PKHD1L1: variants seen among roughly 807,000 people sequenced by gnomAD.
PKHD1L1 encodes PKHD1 like 1, also known as fibrocystin-L.
Under a neutral mutation model 462.9 loss-of-function variants are expected in PKHD1L1, and 434 were observed. The observed-to-expected ratio is 0.94, with a 90% confidence interval of 0.87 to 1.02. The LOEUF (loss-of-function observed/expected upper bound fraction) is 1.02, where lower values mean the gene tolerates loss of function less well. Ranked by LOEUF, PKHD1L1 falls within the 50% of genes least tolerant of loss-of-function variation. PKHD1L1 has a pLI of 0.00. For missense variants in PKHD1L1, 5,202 were observed against 5,096.1 expected (o/e 1.02, Z -0.63); for synonymous variants, 1,781 against 1,750.0 (o/e 1.02, Z -0.44).
At chr8:109,449,130 T>C (rs950461178) in intron 39 of PKHD1L1, among the ~76,000 whole-genome samples, 6 of 152,148 alleles carry the variant, frequency 3.9e-5, no homozygotes, top group African/African-American at 1.4e-4. Flanking sequence ...TTACCAGATA[T>C]GACATTTACT....
Position 109,510,870 on chromosome 8 carries a change from T to A in PKHD1L1, c.11489T>A (p.Val3830Asp), listed in dbSNP as rs1347080314. 6.8e-6 allele frequency: 11 copies of A among 1,613,284 alleles called. No individual in the cohort carries two copies. Among genetic ancestry groups the A allele is most frequent in the Non-Finnish European group, 9.3e-6 (11 of 1,179,494 alleles). Residue 3830 changes from valine (V) to aspartate (D), a missense_variant, in exon 71 of 78, where the codon GTT becomes GAT. Val to Asp is a radical substitution (Grantham distance 152, BLOSUM62 -3). This residue lies in a region of PKHD1L1 where 698 missense variants were observed against 736.3 expected (regional missense o/e 0.95). Coordinates refer to ENST00000378402, the MANE Select transcript of PKHD1L1 (RefSeq NM_177531.6). ...SIVALNKSYEVYFTGTSPQNL... is the reference protein window; with the variant it reads ...SIVALNKSYEDYFTGTSPQNL... ...GTGGCTCTGAACAAATCTTATGAAG[T>A]TTACTTCACTGGCACCAGTCCTCAG...
At chr8:109,515,665 T>C (rs766788089) in intron 72 of PKHD1L1, among the ~76,000 whole-genome samples, 4 of 152,182 alleles carry the variant, frequency 2.6e-5, no homozygotes, top group East Asian at 3.9e-4. Flanking sequence ...TTCTATTTCA[T>C]AGAAGTTAGA....
chr8:109,399,418 G>GA (rs922194547), intron 12 of PKHD1L1, among the ~76,000 whole-genome samples: 133 of 146,288 alleles, frequency 9.1e-4, no homozygotes, highest in Non-Finnish European at 1.5e-3. Flanking sequence ...GCAGTTGAAG[G>GA]AAAAAAAAAA....
At chr8:109,474,055 G>T (rs1282713133) in intron 50 of PKHD1L1, among the ~76,000 whole-genome samples, 2 of 152,246 alleles carry the variant, frequency 1.3e-5, no homozygotes, top group East Asian at 1.9e-4. Flanking sequence ...ACTAGTCACA[G>T]TTCTTTTCAT....
intron 59 of PKHD1L1, among the ~76,000 whole-genome samples, chr8:109,489,414 G>C (rs117535702): frequency 0.052 from 7,833 of 151,928 alleles, 299 homozygotes; most frequent in Non-Finnish European, 0.077. Flanking sequence ...GCTGTTATTA[G>C]TAGTCTGTAA....
chr8:109,416,053 C>T (rs1266047780), intron 21 of PKHD1L1, among the ~76,000 whole-genome samples: 1 of 151,868 alleles, frequency 6.6e-6, no homozygotes, highest in Non-Finnish European at 1.5e-5. Context: ...AACTGTAGAC[C>T]AAGTTTAAAT....
At chr8:109,421,708 C>T (rs1305979758) in intron 23 of PKHD1L1, among the ~76,000 whole-genome samples, 6 of 152,126 alleles carry the variant, frequency 3.9e-5, no homozygotes, top group African/African-American at 1.4e-4. Flanking sequence ...GGCGTGAACC[C>T]GGGAGGCGGA....
In PKHD1L1 at chr8:109,501,555, T is replaced by C. The variant is rs115874609; in HGVS notation, c.10829-2772T>C. On this transcript the variant is annotated intron_variant, in intron 67 of 77. Coordinates refer to ENST00000378402, the MANE Select transcript of PKHD1L1 (RefSeq NM_177531.6). The stretch of plus-strand genomic sequence containing the variant: ...AGTAATTGTTTGATTTCCTGAGGAA[T>C]GGTAGTATACTAAAGACTACATTTT... Among the ~76,000 whole-genome samples the C allele has an allele frequency of 6.2e-3, 947 of 152,326 alleles. 11 individuals carry two copies. The highest frequency in any genetic ancestry group is 0.022 in the African/African-American group (904 of 41,578).
At chr8:109,475,074 A>G in intron 50 of PKHD1L1, 44 bp from the exon 51 acceptor site, 2 of 1,519,152 alleles carry the variant, frequency 1.3e-6, no homozygotes, top group Non-Finnish European at 1.8e-6. Flanking sequence ...AGTTTATTAG[A>G]GGTAGAGATT....
In PKHD1L1 at chr8:109,400,200, T is replaced by C; in HGVS notation, c.1137T>C (p.Tyr379=). The change falls in exon 13 of 78, where the codon TAT becomes TAC. Residue 379 remains tyrosine, a synonymous_variant. Transcript: ENST00000378402. The part of the protein sequence containing the change: ...MGASWVDSAS[Y]IWLMEQDTFV... ...CCAGTTGGGTAGATTCAGCTTCCTA[T>C]ATTTGGCTCATGGAACAAGACACAT... 1.2e-6 allele frequency: 2 copies of C among 1,613,722 alleles called. No homozygotes were observed. The highest frequency in any genetic ancestry group is 1.7e-6 in the Non-Finnish European group (2 of 1,179,702).
In PKHD1L1 at chr8:109,536,062, A is replaced by AT. The variant is rs1474782849; in HGVS notation, c.*5974dup. 6.6e-6 allele frequency among the ~76,000 whole-genome samples: 1 copy of AT among 152,108 alleles called. No individual in the cohort carries two copies. The highest frequency in any genetic ancestry group is 1.5e-5 in the Non-Finnish European group (1 of 68,008). On this transcript the variant is annotated 3_prime_UTR_variant, in exon 78 of 78. Transcript: ENST00000378402. ...CCTCCCTGTTTCCCTTTGTTAATAT[A>AT]TTGCTAGTAGACATGTCTACTTCTG...
At chr8:109,382,091 G>A (rs1428216225) in intron 3 of PKHD1L1, among the ~76,000 whole-genome samples, 1 of 152,096 alleles carries the variant, frequency 6.6e-6, no homozygotes, top group Admixed American at 6.6e-5. Flanking sequence ...CTTACTAAGG[G>A]GAAACTTGAT....
Position 109,459,606 on chromosome 8 carries a change from G to T in PKHD1L1, c.7016G>T (p.Gly2339Val). The T allele has an allele frequency of 6.4e-7, 1 of 1,558,846 alleles. No homozygotes were observed. The highest frequency in any genetic ancestry group is 8.7e-7 in the Non-Finnish European group (1 of 1,150,902). Residue 2339 changes from glycine (G) to valine (V), a missense_variant, in exon 47 of 78, where the codon GGA becomes GTA. Around this residue, in one of 3 missense-constraint regions of PKHD1L1, gnomAD observed 4,497 missense variants for 4,336.8 expected, o/e 1.04. Coordinates refer to ENST00000378402, the MANE Select transcript of PKHD1L1 (RefSeq NM_177531.6). ...IASTGHRHSQ[G>V]ENEKMTIASV... Reference sequence around the variant, plus strand: ...CAAAATTTTTACAGACACAGTCAAGGAGAGAATGAAAAAATGACCATTGCA... The same window carrying T: ...CAAAATTTTTACAGACACAGTCAAGTAGAGAATGAAAAAATGACCATTGCA...
At chr8:109,517,230 G>A (rs183648707) in intron 72 of PKHD1L1, among the ~76,000 whole-genome samples, 1 of 152,172 alleles carries the variant, frequency 6.6e-6, no homozygotes, top group East Asian at 1.9e-4. Context: ...TTAAGTGAAC[G>A]TTTTGCTTTG....
At chr8:109,523,646 G>T (rs2131034795) in intron 76 of PKHD1L1, among the ~76,000 whole-genome samples, 1 of 152,182 alleles carries the variant, frequency 6.6e-6, no homozygotes, top group African/African-American at 2.4e-5. Context: ...TCCTAAATTT[G>T]CTCACTAAAG....
intron 49 of PKHD1L1, 115 bp from the exon 50 acceptor site, chr8:109,466,462 AC>A: frequency 2.2e-5 from 23 of 1,069,094 alleles, no homozygotes; most frequent in Non-Finnish European, 2.9e-5. Flanking sequence ...AAACAAAACT[AC>A]CCAGACTTTT....
intron 39 of PKHD1L1, 58 bp from the exon 40 acceptor site, chr8:109,449,279 AC>A (rs1816345713): frequency 6.8e-7 from 1 of 1,466,392 alleles, no homozygotes; most frequent in African/African-American, 1.4e-5. Flanking sequence ...AAAAATATGT[AC>A]ACAGAAGAAG....
intron 27 of PKHD1L1, 43 bp from the exon 28 acceptor site, chr8:109,433,063 T>C (rs778169504): frequency 6.5e-6 from 9 of 1,376,010 alleles, no homozygotes; most frequent in African/African-American, 5.8e-5. Context: ...ACAGGTTTTA[T>C]TTTTCTAACT....
intron 3 of PKHD1L1, 51 bp downstream of exon 3, chr8:109,381,565 A>G: frequency 7.5e-7 from 1 of 1,336,804 alleles, no homozygotes; most frequent in Admixed American, 2.3e-5. Context: ...ATCAGAAGTT[A>G]CAGTTATGAA....
Sources: allele counts gnomAD v4.1 joint callset (sites outside exome capture counted in the v4.1 genomes callset), GRCh38; gene constraint gnomAD v4.1.1; regional missense constraint gnomAD v4.1.1; transcripts MANE v1.5; gene names NCBI Gene and HGNC (gene_info 2026-07-23, HGNC 2026-07-21).